The following SERINC5 variants were observed in gnomAD, a reference collection of about 807,000 sequenced individuals.
The protein encoded by SERINC5 is serine incorporator 5.
Under a neutral mutation model 63.1 loss-of-function variants are expected in SERINC5, and 41 were observed. That is an observed-to-expected ratio of 0.65 (90% CI 0.51 to 0.84). The LOEUF is 0.84. Ranked by LOEUF, SERINC5 falls within the 40% of genes least tolerant of loss-of-function variation. The probability of loss-of-function intolerance (pLI) is 0.00; values close to 1 mark genes in which losing one functional copy is unlikely to be tolerated. For missense variants in SERINC5, 523 were observed against 573.0 expected (o/e 0.91, Z 0.89); for synonymous variants, 222 against 215.2 (o/e 1.03, Z -0.28).
chr5:80,179,275 G>T (rs1204076042), intron 2 of SERINC5, among the ~76,000 whole-genome samples: 2 of 152,094 alleles, frequency 1.3e-5, no homozygotes, highest in African/African-American at 4.8e-5. Flanking sequence ...CTCTAGCCTG[G>T]GCAACAGAGT....
intron 4 of SERINC5, among the ~76,000 whole-genome samples, chr5:80,175,715 A>AG (rs1747983070): frequency 6.6e-6 from 1 of 151,536 alleles, no homozygotes; most frequent in Non-Finnish European, 1.5e-5. Context: ...CTTAAAAAAA[A>AG]ACTCCAGGCA....
At chr5:80,187,627 TAAC>T (rs1748895559) in intron 2 of SERINC5, among the ~76,000 whole-genome samples, 1 of 152,160 alleles carries the variant, frequency 6.6e-6, no homozygotes, top group Non-Finnish European at 1.5e-5. Context: ...TAATAAACAA[TAAC>T]AACAACCAGT....
chr5:80,134,721 G>C (rs560615892), downstream of SERINC5, among the ~76,000 whole-genome samples: 2 of 152,274 alleles, frequency 1.3e-5, no homozygotes, highest in Non-Finnish European at 2.9e-5. Context: ...GTCAACATGA[G>C]GCCCTTTGTT....
In SERINC5 at chr5:80,153,350, C is replaced by T. The variant is rs138142166; in HGVS notation, c.987-2402G>A. On this transcript the variant is annotated intron_variant, in intron 8 of 11. Coordinates refer to ENST00000507668, the MANE Select transcript of SERINC5 (RefSeq NM_001174072.3). ...GGGGGCGCCTGTAATCCCAGCTACTCGGGAGACTGAGGCAAGAGAATTGCT... is the reference window on the plus strand; with the variant it reads ...GGGGGCGCCTGTAATCCCAGCTACTTGGGAGACTGAGGCAAGAGAATTGCT... 6.2e-3 allele frequency among the ~76,000 whole-genome samples: 942 copies of T among 151,354 alleles called. 13 individuals carry two copies. The highest frequency in any genetic ancestry group is 0.021 in the African/African-American group (877 of 41,226).
intron 1 of SERINC5, among the ~76,000 whole-genome samples, chr5:80,250,888 T>C (rs1484265844): frequency 1.3e-5 from 2 of 152,172 alleles, no homozygotes; most frequent in East Asian, 3.8e-4. Context: ...ATGCTCACTT[T>C]AAAAGGCCTA....
In SERINC5 at chr5:80,228,459, A is replaced by ATT. The variant is rs34400088; in HGVS notation, c.28-25408_28-25407dup. Among the ~76,000 whole-genome samples the ATT allele has an allele frequency of 6.8e-3, 1,026 of 150,634 alleles. 8 individuals carry two copies. Among genetic ancestry groups the ATT allele is most frequent in the Middle Eastern group, 0.024 (7 of 288 alleles). On this transcript the variant is annotated intron_variant, in intron 1 of 11. Transcript: ENST00000507668. ...TGCCTTTCTCTTTCAACTATTAAGA[A>ATT]TTTTTTTTTTGTTTAAGAAAGGGTC...
At chr5:80,170,334 G>A (rs529205197) in intron 5 of SERINC5, among the ~76,000 whole-genome samples, 21 of 152,282 alleles carry the variant, frequency 1.4e-4, no homozygotes, top group Admixed American at 6.5e-4. Context: ...ATCTTGAAAG[G>A]TTTAGGGACA....
At chr5:80,172,074 G>C (rs10035380) in intron 5 of SERINC5, among the ~76,000 whole-genome samples, 1 of 152,150 alleles carries the variant, frequency 6.6e-6, no homozygotes, top group Non-Finnish European at 1.5e-5. Flanking sequence ...GCTCATGCCT[G>C]TAATCCCAGC....
At chr5:80,133,294 T>C (rs1745019804) in intron 11 of SERINC5, among the ~76,000 whole-genome samples, 1 of 152,182 alleles carries the variant, frequency 6.6e-6, no homozygotes, top group African/African-American at 2.4e-5. Flanking sequence ...TTTAGAGCAA[T>C]GCAAGAAAGG....
At chr5:80,145,838 C>G (rs1205519332) in intron 11 of SERINC5, among the ~76,000 whole-genome samples, 2 of 152,118 alleles carry the variant, frequency 1.3e-5, no homozygotes, top group Middle Eastern at 3.2e-3. Flanking sequence ...GGCAAAACCC[C>G]GTCTCAACTA....
intron 1 of SERINC5, among the ~76,000 whole-genome samples, chr5:80,230,167 C>CA (rs1491255662): frequency 1.3e-5 from 2 of 152,128 alleles, no homozygotes; most frequent in Non-Finnish European, 1.5e-5. Flanking sequence ...ACCCAAACCT[C>CA]ACACCTGACC....
chr5:80,148,726 G>A (rs548505942), intron 9 of SERINC5, among the ~76,000 whole-genome samples: 519 of 152,022 alleles, frequency 3.4e-3, no homozygotes, highest in Non-Finnish European at 5.8e-3. Flanking sequence ...GGTAAACAGA[G>A]TACTAAGACA....
At chr5:80,214,025 C>A (rs1283202884) in intron 1 of SERINC5, among the ~76,000 whole-genome samples, 1 of 152,000 alleles carries the variant, frequency 6.6e-6, no homozygotes, top group Non-Finnish European at 1.5e-5. Context: ...AGAGAAGAAA[C>A]CTAGATGTCC....
chr5:80,144,997 T>TAA (rs60256731), intron 11 of SERINC5, among the ~76,000 whole-genome samples: 4 of 143,944 alleles, frequency 2.8e-5, no homozygotes, highest in Non-Finnish European at 6.1e-5. Flanking sequence ...ACTGCCAAGT[T>TAA]AAAAAAAAAA....
downstream of SERINC5, among the ~76,000 whole-genome samples, chr5:80,137,155 A>AAAAAAAAAC (rs1392610349): frequency 4.8e-4 from 52 of 109,356 alleles, no homozygotes; most frequent in South Asian, 1.6e-3. Context: ...AAAAAAAAAA[A>AAAAAAAAAC]AAAAAAAACA....
intron 1 of SERINC5, among the ~76,000 whole-genome samples, chr5:80,253,250 C>T (rs1035289212): frequency 4.6e-5 from 7 of 152,216 alleles, no homozygotes; most frequent in Admixed American, 1.3e-4. Context: ...AGGTACCACG[C>T]TGTCTCCTCC....
At chr5:80,177,841 C>G (rs1748135471) in intron 3 of SERINC5, 45 bp downstream of exon 3, 1 of 1,474,802 alleles carries the variant, frequency 6.8e-7, no homozygotes. Context: ...CTGTCCTGAA[C>G]ATAAGAAAGG....
rs147500079 is a variant in SERINC5 at position 80,187,320 on chromosome 5, T to C, written c.196-9256A>G. Among the ~76,000 whole-genome samples, 7 of 152,334 alleles carry C rather than the reference T, an allele frequency of 4.6e-5. No individual in the cohort carries two copies. In the East Asian group the frequency reaches 1.3e-3, roughly 29 times the overall value. On this transcript the variant is annotated intron_variant, in intron 2 of 11. Transcript: ENST00000507668. Reference sequence around the variant, plus strand: ...AGAAGAACTAGATTTGCAAGTTCTGTTTAATATCCCTCACTTGAAAATGCA... The same window carrying C: ...AGAAGAACTAGATTTGCAAGTTCTGCTTAATATCCCTCACTTGAAAATGCA...
chr5:80,126,680 T>C (rs116520463), intron 11 of SERINC5, among the ~76,000 whole-genome samples: 2,451 of 152,324 alleles, frequency 0.016, 65 homozygotes, highest in African/African-American at 0.056. Flanking sequence ...AAGTTAGTTA[T>C]CCACTGCCTT....
Sources: allele counts gnomAD v4.1 joint callset (sites outside exome capture counted in the v4.1 genomes callset), GRCh38; gene constraint gnomAD v4.1.1; transcripts MANE v1.5; gene names NCBI Gene and HGNC (gene_info 2026-07-23, HGNC 2026-07-21).